Variants in TENT4A observed in about 807,000 individuals in gnomAD.
The protein encoded by TENT4A is DNA polymerase kappa.
TENT4A carries 7 observed loss-of-function variants against 72.8 expected under a neutral mutation model. The observed-to-expected ratio is 0.10, with a 90% CI of 0.05 to 0.18. TENT4A has a LOEUF of 0.18. Among genes scored for constraint, TENT4A ranks in the 10% least tolerant of loss-of-function variants. The pLI, the probability that TENT4A is intolerant of heterozygous loss-of-function variation, is 1.00. For synonymous variants in TENT4A, 456 were observed against 434.3 expected, an observed-to-expected ratio of 1.05 and a Z score of -0.62; for missense variants, 831 against 1,017.7, an observed-to-expected ratio of 0.82 and a Z score of 2.50.
Position 6,754,918 on chromosome 5 carries a change from C to T in TENT4A, c.2352C>T (p.Asp784=). The part of the protein sequence containing the change: ...WRRKKHTHTR[D]SLPVSLSR ...GGAAAAAACACACACACACACGGGA[C>T]AGTCTGCCCGTGAGCCTCAGCAGAT... Residue 784 remains aspartate (D), a synonymous_variant, in exon 13 of 13, where the codon GAC becomes GAT. Coordinates refer to ENST00000230859, the MANE Select transcript of TENT4A (RefSeq NM_006999.6). The T allele has an allele frequency of 6.3e-7, 1 of 1,590,368 alleles. No individual in the cohort carries two copies. The highest frequency in any genetic ancestry group is 8.6e-7 in the Non-Finnish European group (1 of 1,162,178).
rs572760029 is a variant in TENT4A, at chr5:6,748,307, C to T, written c.1460-157C>T. On this transcript the variant is annotated intron_variant, in intron 7 of 12. Transcript: ENST00000230859. ...GCCTTTGCCAGTGCCAAGTGCCACC[C>T]GTGCCCATTGTGTTCGCCTGTCTGG... Among the ~76,000 whole-genome samples, 10 of 152,340 alleles carry T rather than the reference C, an allele frequency of 6.6e-5. No homozygotes were observed. In the South Asian group the frequency reaches 1.9e-3, roughly 28 times the overall value.
rs768578950 is a variant in TENT4A, at chr5:6,751,091, A to G, written c.1913A>G (p.Gln638Arg). The G allele has an allele frequency of 9.3e-6, 15 of 1,614,064 alleles. No individual in the cohort carries two copies. Among genetic ancestry groups the G allele is most frequent in the Non-Finnish European group, 1.3e-5 (15 of 1,180,024 alleles). The change falls in exon 11 of 13, where the codon CAA becomes CGA. Residue 638 changes from glutamine to arginine, a missense_variant. By Grantham distance (43) the Gln-to-Arg change is conservative. Transcript: ENST00000230859. The part of the protein sequence containing the change: ...TTPSVYQFSL[Q>R]APAPLMAGLP... ...CCCAGTGTTTACCAGTTCAGTCTGC[A>G]AGCGCCAGCTCCTCTCATGGCCGGC...
chr5:6,724,339 T>C (rs533494629), intron 1 of TENT4A, among the ~76,000 whole-genome samples: 12 of 152,184 alleles, frequency 7.9e-5, no homozygotes, highest in Admixed American at 6.5e-4. Flanking sequence ...TCTAAACTTA[T>C]GTAAAACATT....
At chr5:6,753,348 A>G (rs1404318619) in intron 12 of TENT4A, among the ~76,000 whole-genome samples, 2 of 152,270 alleles carry the variant, frequency 1.3e-5, no homozygotes, top group Non-Finnish European at 2.9e-5. Flanking sequence ...TAATTCATTT[A>G]TATGCTAAAT....
At chr5:6,747,576 G>A (rs1434309582) in intron 7 of TENT4A, among the ~76,000 whole-genome samples, 1 of 152,122 alleles carries the variant, frequency 6.6e-6, no homozygotes, top group African/African-American at 2.4e-5. Context: ...AGGCTCTTGA[G>A]TGGTTTTCTT....
intron 12 of TENT4A, among the ~76,000 whole-genome samples, chr5:6,753,523 G>A (rs1043000791): frequency 1.6e-4 from 24 of 152,352 alleles, no homozygotes; most frequent in African/African-American, 5.5e-4. Context: ...CCTGGCATGC[G>A]TGCCCTTGTG....
intron 1 of TENT4A, among the ~76,000 whole-genome samples, chr5:6,716,903 A>G (rs1415077920): frequency 6.6e-6 from 1 of 152,190 alleles, no homozygotes; most frequent in African/African-American, 2.4e-5. Flanking sequence ...CCATGCCTCC[A>G]GTATGGCCTT....
intron 1 of TENT4A, among the ~76,000 whole-genome samples, chr5:6,736,999 G>A (rs925012026): frequency 3.9e-5 from 6 of 152,226 alleles, no homozygotes; most frequent in African/African-American, 1.2e-4. Context: ...CCTGGGCCGC[G>A]GGGCCCCTGA....
chr5:6,755,177 A>G lies in TENT4A; in HGVS notation c.*232A>G, dbSNP rs1400497053. ...CGTGGACGTTGTTTTCTGCCTTCCCAGGATTCTTCCTTCAGTGCTGAGGCA... is the reference window on the plus strand; with the variant it reads ...CGTGGACGTTGTTTTCTGCCTTCCCGGGATTCTTCCTTCAGTGCTGAGGCA... On this transcript the variant is annotated 3_prime_UTR_variant, in exon 13 of 13. Coordinates refer to ENST00000230859, the MANE Select transcript of TENT4A (RefSeq NM_006999.6). 2.5e-6 allele frequency: 1 copy of G among 407,820 alleles called. No homozygotes were observed. Among genetic ancestry groups the G allele is most frequent in the East Asian group, 3.7e-5 (1 of 26,842 alleles). 25.3% of individuals were successfully genotyped at this position (407,820 alleles called of 1,614,324 possible). A position where few individuals can be genotyped will look rare whatever the true frequency, so the allele number is the denominator to read the frequency against.
At chr5:6,737,398 C>A in intron 1 of TENT4A, 112 bp from the exon 2 acceptor site, 1 of 966,690 alleles carries the variant, frequency 1.0e-6, no homozygotes, top group Non-Finnish European at 1.5e-6. Context: ...AGAAATGAAA[C>A]TGAATTTCGT....
At chr5:6,737,761 A>C in intron 2 of TENT4A, 128 bp downstream of exon 2, 1 of 1,090,070 alleles carries the variant, frequency 9.2e-7, no homozygotes, top group Non-Finnish European at 1.3e-6. Flanking sequence ...CAGTTCTCCA[A>C]GTGTGCTTTG....
intron 5 of TENT4A, 148 bp from the exon 6 acceptor site, chr5:6,743,564 C>A: frequency 1.6e-6 from 1 of 630,340 alleles, no homozygotes; most frequent in South Asian, 2.1e-5. Context: ...CGTCCCCCAA[C>A]CAAAGTTTGA....
rs116576634 is a variant in TENT4A at position 6,754,696 on chromosome 5, G to A, written c.2185-55G>A. 1,135 of 1,404,774 alleles carry A rather than the reference G, an allele frequency of 8.1e-4. 2 individuals carry two copies. In the African/African-American group the frequency reaches 9.9e-3, roughly 12 times the overall value. 87.0% of individuals were successfully genotyped at this position (1,404,774 alleles called of 1,614,324 possible). Reference sequence around the variant, plus strand: ...CTTAGTGTGGTCACTGCCCGAGGACGTGGGCATTGTGCCTGCTGTCTGGCT... The same window carrying A: ...CTTAGTGTGGTCACTGCCCGAGGACATGGGCATTGTGCCTGCTGTCTGGCT... On this transcript the variant is annotated intron_variant, in intron 12 of 12. Coordinates refer to ENST00000230859, the MANE Select transcript of TENT4A (RefSeq NM_006999.6).
intron 8 of TENT4A, among the ~76,000 whole-genome samples, chr5:6,749,134 G>A (rs1027029278): frequency 2.0e-5 from 3 of 152,162 alleles, no homozygotes; most frequent in Non-Finnish European, 4.4e-5. Flanking sequence ...CTCAGCAGCC[G>A]CTGCAGGTGC....
chr5:6,754,708 C>T, intron 12 of TENT4A, 43 bp from the exon 13 acceptor site: 1 of 1,488,890 alleles, frequency 6.7e-7, no homozygotes, highest in Non-Finnish European at 9.1e-7. Context: ...GGGCATTGTG[C>T]CTGCTGTCTG....
intron 1 of TENT4A, among the ~76,000 whole-genome samples, chr5:6,725,286 A>C (rs191317104): frequency 3.9e-5 from 6 of 152,200 alleles, no homozygotes; most frequent in Admixed American, 2.6e-4. Flanking sequence ...ACACTACTGC[A>C]CTCCAGCCTG....
chr5:6,738,774 G>C, intron 3 of TENT4A, 45 bp downstream of exon 3: 2 of 1,383,942 alleles, frequency 1.4e-6, no homozygotes, highest in Non-Finnish European at 2.1e-6. Context: ...GGGCTGGGAT[G>C]GTGTCTATGC....
intron 1 of TENT4A, among the ~76,000 whole-genome samples, chr5:6,736,374 T>G (rs1329254235): frequency 1.3e-5 from 2 of 152,154 alleles, no homozygotes; most frequent in Admixed American, 1.3e-4. Flanking sequence ...CTGTAAGAGG[T>G]GCTACTTGCT....
In TENT4A at chr5:6,756,493, C is replaced by T. The variant is rs544855561; in HGVS notation, c.*1548C>T. 1 of 152,378 alleles carries T rather than the reference C, an allele frequency of 6.6e-6. No homozygotes were observed. The highest frequency in any genetic ancestry group is 1.9e-4 in the East Asian group (1 of 5,172). 9.4% of individuals were successfully genotyped at this position (152,378 alleles called of 1,614,324 possible). ...TTCTAGATTGATCTCTGAATGTGATCGACGCCCAGCAAGGACAAGCTTTAA... is the reference window on the plus strand; with the variant it reads ...TTCTAGATTGATCTCTGAATGTGATTGACGCCCAGCAAGGACAAGCTTTAA... On this transcript the variant is annotated 3_prime_UTR_variant, in exon 13 of 13. Transcript: ENST00000230859.
Sources: gnomAD v4.1 joint callset for allele counts (sites outside exome capture counted in the v4.1 genomes callset) on GRCh38, gnomAD v4.1.1 for gene constraint, MANE v1.5 for transcripts, NCBI Gene and HGNC (gene_info 2026-07-23, HGNC 2026-07-21) for gene names.